Variants in ABCA13 observed in about 807,000 individuals in gnomAD.
The protein encoded by ABCA13 is ATP binding cassette subfamily A member 13.
ABCA13 carries 476 observed loss-of-function variants against 478.7 expected under a neutral mutation model. The ratio of observed to expected loss-of-function variants is 0.99; its 90% CI spans 0.92 to 1.07. ABCA13 has a LOEUF of 1.07. ABCA13 is among the 50% of genes least tolerant of loss of function. The pLI is 0.00. For synonymous variants in ABCA13, 2,252 were observed against 2,158.9 expected (o/e 1.04, Z -1.20); for missense variants, 6,060 against 5,910.6 (o/e 1.03, Z -0.83).
intron 43 of ABCA13, among the ~76,000 whole-genome samples, chr7:48,462,630 T>C (rs948307585): frequency 1.3e-5 from 2 of 152,044 alleles, no homozygotes; most frequent in Non-Finnish European, 2.9e-5. Flanking sequence ...TGCCTCAGCC[T>C]CCCGAGTAGC....
Position 48,455,200 on chromosome 7 carries a change from G to C in ABCA13, c.12729G>C (p.Leu4243Phe), listed in dbSNP as rs527527670. The change falls in exon 43 of 62, where the codon TTG becomes TTC. Residue 4243 changes from leucine to phenylalanine, a missense_variant. Leu to Phe is a conservative substitution (Grantham distance 22, BLOSUM62 0). This residue lies in a region of ABCA13 where 1,627 missense variants were observed against 1,571.0 expected (regional missense o/e 1.04). Coordinates refer to ENST00000435803, the MANE Select transcript of ABCA13 (RefSeq NM_152701.5). ...TCTTCGTGGCCTTGGCCATGGGCTT[G>C]TTCATGGTGAGACCCCTGGCCACCG... is the stretch of plus-strand genomic sequence containing the variant. ...PVLFVALAMG[L>F]FMVRPLATEY... 2.0e-4 allele frequency: 319 copies of C among 1,595,378 alleles called. 2 individuals carry two copies. The South Asian group carries it at 3.3e-3, about 16-fold the overall frequency.
chr7:48,358,557 T>C (rs1364019449), intron 31 of ABCA13, among the ~76,000 whole-genome samples: 2 of 152,044 alleles, frequency 1.3e-5, no homozygotes, highest in Non-Finnish European at 2.9e-5. Context: ...CATCATTCAC[T>C]CATATAGTTA....
intron 29 of ABCA13, among the ~76,000 whole-genome samples, chr7:48,339,703 T>C (rs1465303010): frequency 2.6e-5 from 4 of 152,238 alleles, no homozygotes; most frequent in Non-Finnish European, 5.9e-5. Flanking sequence ...GAGATTCACA[T>C]GGAATTTTGA....
chr7:48,316,806 G>T lies in ABCA13; in HGVS notation c.9860-351G>T, dbSNP rs574716584. ...AAGCAAGAGGGGGGAGGAGGGAGATGCCAGGCTGTTTTATTTACTTATTTT... is the reference window on the plus strand; with the variant it reads ...AAGCAAGAGGGGGGAGGAGGGAGATTCCAGGCTGTTTTATTTACTTATTTT... On this transcript the variant is annotated intron_variant, in intron 26 of 61. Transcript: ENST00000435803. Among the ~76,000 whole-genome samples the T allele has an allele frequency of 2.0e-5, 3 of 152,256 alleles. No homozygotes were observed. In the East Asian group the frequency reaches 5.8e-4, roughly 29 times the overall value.
intron 59 of ABCA13, among the ~76,000 whole-genome samples, chr7:48,637,110 G>T (rs1313621091): frequency 6.6e-6 from 1 of 151,986 alleles, no homozygotes; most frequent in Non-Finnish European, 1.5e-5. Context: ...ACTTAAAACT[G>T]CAGCAAAACA....
chr7:48,254,426 G>A (rs1006784504), intron 15 of ABCA13, among the ~76,000 whole-genome samples: 3 of 152,004 alleles, frequency 2.0e-5, no homozygotes, highest in Admixed American at 6.6e-5. Context: ...ACCATTTGCA[G>A]CTAATTTTTT....
intron 15 of ABCA13, among the ~76,000 whole-genome samples, chr7:48,266,713 T>G (rs993798767): frequency 6.6e-6 from 1 of 151,806 alleles, no homozygotes; most frequent in African/African-American, 2.4e-5. Flanking sequence ...CCACTCTTCT[T>G]TCTTTATTCT....
chr7:48,516,337 C>T (rs754836542), intron 51 of ABCA13, among the ~76,000 whole-genome samples: 3 of 152,094 alleles, frequency 2.0e-5, no homozygotes, highest in Admixed American at 6.5e-5. Context: ...CCATCAGAGA[C>T]GTGAATTTCC....
At chr7:48,302,772 T>A (rs1283438836) in intron 23 of ABCA13, among the ~76,000 whole-genome samples, 1 of 152,216 alleles carries the variant, frequency 6.6e-6, no homozygotes, top group African/African-American at 2.4e-5. Flanking sequence ...TGGTTTCATG[T>A]CCTTGCTATT....
intron 56 of ABCA13, among the ~76,000 whole-genome samples, chr7:48,586,640 A>G (rs1789209235): frequency 6.6e-6 from 1 of 152,126 alleles, no homozygotes; most frequent in Non-Finnish European, 1.5e-5. Context: ...CATGCTCACT[A>G]CTTGGGTGGG....
At chr7:48,412,756 A>G (rs1332818689) in intron 41 of ABCA13, among the ~76,000 whole-genome samples, 173 bp downstream of exon 41, 1 of 146,728 alleles carries the variant, frequency 6.8e-6, no homozygotes, top group Non-Finnish European at 1.5e-5. Flanking sequence ...ACTGAACTTA[A>G]CAGGCCTGAC....
chr7:48,530,608 C>G (rs1038855275), intron 55 of ABCA13, among the ~76,000 whole-genome samples: 24 of 152,170 alleles, frequency 1.6e-4, no homozygotes, highest in Admixed American at 1.6e-3. Context: ...TTCCCACCAA[C>G]AGTGTAAAAG....
chr7:48,519,539 C>T (rs937665688), intron 52 of ABCA13, among the ~76,000 whole-genome samples: 33 of 152,226 alleles, frequency 2.2e-4, no homozygotes, highest in Non-Finnish European at 4.7e-4. Context: ...TCTGGAACAT[C>T]TGTCTTTCCC....
intron 48 of ABCA13, among the ~76,000 whole-genome samples, chr7:48,492,759 C>T (rs1829951233): frequency 6.6e-6 from 1 of 152,140 alleles, no homozygotes; most frequent in African/African-American, 2.4e-5. Context: ...GGCATGGTGG[C>T]TCATTCCTGT....
At chr7:48,621,896 A>G (rs868525393) in intron 59 of ABCA13, among the ~76,000 whole-genome samples, 1 of 152,098 alleles carries the variant, frequency 6.6e-6, no homozygotes, top group African/African-American at 2.4e-5. Context: ...GCCAACACCA[A>G]CTGCCCCAAT....
chr7:48,271,207 C>T (rs1260710282), intron 16 of ABCA13, among the ~76,000 whole-genome samples: 21 of 152,198 alleles, frequency 1.4e-4, no homozygotes. Context: ...ATTTCTGTTA[C>T]AAGAGGGGAC....
intron 17 of ABCA13, among the ~76,000 whole-genome samples, chr7:48,277,543 AT>A (rs1796465040): frequency 6.6e-6 from 1 of 152,208 alleles, no homozygotes; most frequent in Non-Finnish European, 1.5e-5. Context: ...AGATGTACTT[AT>A]ATTACAAAAT....
At chr7:48,464,549 A>G (rs1228616094) in intron 43 of ABCA13, among the ~76,000 whole-genome samples, 1 of 152,244 alleles carries the variant, frequency 6.6e-6, no homozygotes, top group African/African-American at 2.4e-5. Flanking sequence ...TGCTCTGGAA[A>G]CAAAGTCCTC....
chr7:48,295,610 C>T, intron 20 of ABCA13, 90 bp from the exon 21 acceptor site: 2 of 1,508,150 alleles, frequency 1.3e-6, no homozygotes, highest in Middle Eastern at 2.1e-4. Context: ...CATGATTGTT[C>T]TCTGTGTTTC....
Sources: allele counts gnomAD v4.1 joint callset (sites outside exome capture counted in the v4.1 genomes callset), GRCh38; gene constraint gnomAD v4.1.1; regional missense constraint gnomAD v4.1.1; transcripts MANE v1.5; gene names NCBI Gene and HGNC (gene_info 2026-07-23, HGNC 2026-07-21).